Variants in EPB41L3 observed in about 807,000 individuals in gnomAD.
EPB41L3 encodes the protein band 4.1-like protein 3.
A neutral mutation model predicts 127.1 loss-of-function variants in EPB41L3; 57 were observed. The observed-to-expected ratio is 0.45, with a 90% CI of 0.36 to 0.56. The LOEUF is 0.56. EPB41L3 is among the 20% of genes least tolerant of loss of function. The pLI, the probability that EPB41L3 is intolerant of heterozygous loss-of-function variation, is 0.00. For missense variants in EPB41L3, 1,273 were observed against 1,372.2 expected (o/e 0.93, Z 1.14); for synonymous variants, 572 against 549.5 (o/e 1.04, Z -0.57).
At chr18:5,523,570 G>A (rs1447413789) in intron 1 of EPB41L3, among the ~76,000 whole-genome samples, 1 of 152,104 alleles carries the variant, frequency 6.6e-6, no homozygotes, top group African/African-American at 2.4e-5. Flanking sequence ...AAACCAAAGC[G>A]GGCGGATCAC....
chr18:5,559,213 G>T (rs1381789471), intron 3 of EPB41L3, among the ~76,000 whole-genome samples: 1 of 152,142 alleles, frequency 6.6e-6, no homozygotes, highest in Non-Finnish European at 1.5e-5. Flanking sequence ...GATGATAAAG[G>T]TTTCGACAAT....
chr18:5,526,850 C>T (rs1050563694), intron 1 of EPB41L3, among the ~76,000 whole-genome samples: 1 of 152,056 alleles, frequency 6.6e-6, no homozygotes, highest in African/African-American at 2.4e-5. Flanking sequence ...TTAGCATGCA[C>T]ACCTAATCAA....
chr18:5,516,143 C>T (rs2148739758), intron 1 of EPB41L3, among the ~76,000 whole-genome samples: 2 of 152,296 alleles, frequency 1.3e-5, no homozygotes, highest in African/African-American at 4.8e-5. Flanking sequence ...CATCCAGAGC[C>T]CCAAGTCCAG....
At chr18:5,496,830 C>A (rs1467411668) in intron 1 of EPB41L3, among the ~76,000 whole-genome samples, 1 of 152,148 alleles carries the variant, frequency 6.6e-6, no homozygotes, top group Non-Finnish European at 1.5e-5. Flanking sequence ...ATTTCCTGAA[C>A]AGCTGTTTTG....
chr18:5,456,843 CTGA>C (rs2146896275), intron 3 of EPB41L3, among the ~76,000 whole-genome samples: 1 of 152,338 alleles, frequency 6.6e-6, no homozygotes, highest in Non-Finnish European at 1.5e-5. Context: ...GAGGAAGCTG[CTGA>C]ACCCTGCTAA....
At chr18:5,604,656 G>A (rs966160146) in intron 3 of EPB41L3, among the ~76,000 whole-genome samples, 1 of 152,124 alleles carries the variant, frequency 6.6e-6, no homozygotes, top group Non-Finnish European at 1.5e-5. Context: ...GTTTCACCAT[G>A]TTGGCCAGGC....
At chr18:5,551,431 A>T (rs1386026879) in intron 3 of EPB41L3, among the ~76,000 whole-genome samples, 3 of 152,144 alleles carry the variant, frequency 2.0e-5, no homozygotes, top group African/African-American at 7.2e-5. Flanking sequence ...TTTTTAAAAA[A>T]CATCCGCTGA....
intron 1 of EPB41L3, among the ~76,000 whole-genome samples, chr18:5,532,341 C>T (rs536804356): frequency 2.6e-5 from 4 of 152,252 alleles, no homozygotes; most frequent in African/African-American, 9.6e-5. Context: ...AGCACGGTGC[C>T]AGGTTCATAA....
At chr18:5,601,633 T>A (rs2094593037) in intron 3 of EPB41L3, among the ~76,000 whole-genome samples, 1 of 151,884 alleles carries the variant, frequency 6.6e-6, no homozygotes, top group South Asian at 2.1e-4. Context: ...CACATAAATT[T>A]CCCCCAGAAA....
intron 1 of EPB41L3, among the ~76,000 whole-genome samples, chr18:5,528,692 G>A (rs575822437): frequency 6.6e-6 from 1 of 152,092 alleles, no homozygotes; most frequent in Non-Finnish European, 1.5e-5. Context: ...AGGCCTCCCA[G>A]GCTCAAGTGA....
intron 3 of EPB41L3, among the ~76,000 whole-genome samples, chr18:5,569,509 GA>G (rs1171894060): frequency 6.6e-6 from 1 of 152,178 alleles, no homozygotes. Context: ...ATGAGAGAGG[GA>G]TGAGAGGAAG....
At chr18:5,615,746 T>C (rs562685406) in intron 1 of EPB41L3, among the ~76,000 whole-genome samples, 1 of 152,324 alleles carries the variant, frequency 6.6e-6, no homozygotes, top group South Asian at 2.1e-4. Flanking sequence ...AAAGCTGTTT[T>C]CCTTTTAGGT....
chr18:5,523,660 C>T (rs925489924), intron 1 of EPB41L3, among the ~76,000 whole-genome samples: 1 of 152,024 alleles, frequency 6.6e-6, no homozygotes, highest in Non-Finnish European at 1.5e-5. Context: ...TGGCACATAC[C>T]TGTAATCCCA....
chr18:5,430,767 T>A (rs1452342082), intron 8 of EPB41L3, among the ~76,000 whole-genome samples: 2 of 151,618 alleles, frequency 1.3e-5, no homozygotes, highest in African/African-American at 4.8e-5. Context: ...TCTGCTACAT[T>A]TATTCTATCA....
intron 2 of EPB41L3, among the ~76,000 whole-genome samples, chr18:5,485,362 C>T (rs2089553745): frequency 6.6e-6 from 1 of 151,866 alleles, no homozygotes; most frequent in South Asian, 2.1e-4. Flanking sequence ...ATAATACACA[C>T]CATATATGAA....
chr18:5,630,621 G>C (rs781075121), upstream of EPB41L3: 1 of 461,472 alleles, frequency 2.2e-6, no homozygotes, highest in Non-Finnish European at 4.3e-6. Flanking sequence ...CTGCGGTGGC[G>C]GCACCTCCAA....
At chr18:5,407,195 G>C in intron 15 of EPB41L3, 1 of 541,394 alleles carries the variant, frequency 1.8e-6, no homozygotes, top group Non-Finnish European at 3.3e-6. Flanking sequence ...GATACCAAAA[G>C]AATTTTAGAA....
chr18:5,407,221 G>A (rs1263002583), intron 15 of EPB41L3: 2 of 513,408 alleles, frequency 3.9e-6, no homozygotes, highest in Admixed American at 3.3e-5. Context: ...ACTATAAAGA[G>A]TACAATTCAC....
Position 5,419,735 on chromosome 18 carries a change from G to C in EPB41L3, c.1482C>G (p.Ile494Met). Residue 494 changes from isoleucine (I) to methionine (M), a missense_variant, in exon 12 of 23, where the codon ATC becomes ATG. This residue lies in a region of EPB41L3 where 765 missense variants were observed against 782.9 expected (regional missense o/e 0.98). Transcript: ENST00000341928. ...KRRKGEEVTP[I>M]SAIRHEGKSP... ...CCTTTCCCTCGTGCCGGATGGCCGA[G>C]ATGGGCGTGACTTCTTCCCCCTTCC... 1 of 1,614,190 alleles carries C rather than the reference G, an allele frequency of 6.2e-7. No individual in the cohort carries two copies. The highest frequency in any genetic ancestry group is 8.5e-7 in the Non-Finnish European group (1 of 1,180,044).
Sources: gnomAD v4.1 joint callset for allele counts (sites outside exome capture counted in the v4.1 genomes callset) on GRCh38, gnomAD v4.1.1 for gene constraint, gnomAD v4.1.1 regional missense constraint, MANE v1.5 for transcripts, NCBI Gene and HGNC (gene_info 2026-07-23, HGNC 2026-07-21) for gene names.